Variants in PLRG1 observed in about 807,000 individuals in gnomAD.
PLRG1 encodes the protein pleiotropic regulator 1, also known as pleiotropic regulator 1 (PRL1 homolog, Arabidopsis).
Under a neutral mutation model 74.9 loss-of-function variants are expected in PLRG1, and 28 were observed. The observed-to-expected ratio is 0.37, with a 90% CI of 0.28 to 0.51. PLRG1 has a LOEUF of 0.51. PLRG1 is among the 20% of genes least tolerant of loss of function. The probability of loss-of-function intolerance (pLI) is 0.91; values close to 1 mark genes in which losing one functional copy is unlikely to be tolerated. For missense variants in PLRG1, 445 were observed against 631.9 expected (o/e 0.70, Z 3.17); for synonymous variants, 197 against 212.4 (o/e 0.93, Z 0.63).
In PLRG1 at chr4:154,541,204, T is replaced by G. The variant is rs187668571; in HGVS notation, c.688-270A>C. On this transcript the variant is annotated intron_variant, in intron 8 of 14. Coordinates refer to ENST00000499023, the MANE Select transcript of PLRG1 (RefSeq NM_002669.4). Reference sequence around the variant, plus strand: ...TCTTTGATAATAACAGTAAGAAAAGTATGGTATTAAATTAACTGAGGCTGG... The same window carrying G: ...TCTTTGATAATAACAGTAAGAAAAGGATGGTATTAAATTAACTGAGGCTGG... Among the ~76,000 whole-genome samples the G allele has an allele frequency of 3.4e-3, 514 of 152,262 alleles. 8 individuals are homozygous for G. The highest frequency in any genetic ancestry group is 9.0e-4 in the Non-Finnish European group (61 of 68,014).
intron 8 of PLRG1, chr4:154,541,945 T>C (rs1729562170): frequency 8.7e-6 from 4 of 459,456 alleles, no homozygotes; most frequent in African/African-American, 3.9e-5. Context: ...GAGAGAACAA[T>C]GTAAGTATAA....
chr4:154,549,881 C>T (rs1261538683), intron 1 of PLRG1: 1 of 414,746 alleles, frequency 2.4e-6, no homozygotes, highest in Non-Finnish European at 4.7e-6. Flanking sequence ...ATGTAAAGAA[C>T]GGCAAGTTTT....
intron 6 of PLRG1, among the ~76,000 whole-genome samples, chr4:154,545,026 A>G (rs1729625013): frequency 6.6e-6 from 1 of 152,216 alleles, no homozygotes; most frequent in African/African-American, 2.4e-5. Flanking sequence ...ATCTTCTAAT[A>G]CAATATTTAA....
intron 5 of PLRG1, 63 bp from the exon 6 acceptor site, chr4:154,545,986 C>A: frequency 8.5e-7 from 1 of 1,169,966 alleles, no homozygotes; most frequent in South Asian, 1.4e-5. Flanking sequence ...TTCTGCAAAA[C>A]TAACCCTTTA....
At chr4:154,549,523 T>C (rs1025105513) in intron 1 of PLRG1, 2 of 373,066 alleles carry the variant, frequency 5.4e-6, no homozygotes, top group Non-Finnish European at 5.3e-6. Flanking sequence ...GTATGGAGGA[T>C]GAGATGGTGC....
chr4:154,542,542 A>C (rs973513783), intron 7 of PLRG1, among the ~76,000 whole-genome samples: 4 of 152,216 alleles, frequency 2.6e-5, no homozygotes, highest in Non-Finnish European at 5.9e-5. Flanking sequence ...ACAAAGTATT[A>C]AGCTGTGTGA....
chr4:154,547,745 A>C lies in PLRG1; in HGVS notation c.225T>G (p.Asp75Glu), dbSNP rs1729684737. Residue 75 changes from aspartate (D) to glutamate (E), a missense_variant, in exon 3 of 15, where the codon GAT (aspartate) becomes GAG (glutamate). Physicochemically the swap from Asp to Glu is conservative, Grantham distance 45 (BLOSUM62 2). This residue lies in a region of PLRG1 where 206 missense variants were observed against 210.8 expected (regional missense o/e 0.98). Transcript: ENST00000499023. The stretch of plus-strand genomic sequence containing the variant: ...CAGGGTACTGTTTATGAACATATGA[A>C]TCCGTTGCATTCTGAGGACCCTTCT... ...LKEKGPQNATDSYVHKQYPAN... is the reference protein window; with the variant it reads ...LKEKGPQNATESYVHKQYPAN... 2 of 1,613,212 alleles carry C rather than the reference A, an allele frequency of 1.2e-6. No individual in the cohort carries two copies. Among genetic ancestry groups the C allele is most frequent in the Non-Finnish European group, 8.5e-7 (1 of 1,179,226 alleles).
intron 12 of PLRG1, among the ~76,000 whole-genome samples, chr4:154,538,413 G>A (rs1258896334): frequency 2.6e-5 from 4 of 151,998 alleles, no homozygotes; most frequent in African/African-American, 9.7e-5. Flanking sequence ...GAAGGGCAAT[G>A]TGTTATGCAA....
intron 6 of PLRG1, among the ~76,000 whole-genome samples, chr4:154,545,580 T>A (rs576987976): frequency 6.6e-6 from 1 of 152,318 alleles, no homozygotes; most frequent in South Asian, 2.1e-4. Context: ...TCTCCTTGCA[T>A]TTTTAATAGT....
intron 2 of PLRG1, among the ~76,000 whole-genome samples, chr4:154,548,181 C>T (rs1306357702): frequency 1.3e-5 from 2 of 152,052 alleles, no homozygotes; most frequent in African/African-American, 4.8e-5. Flanking sequence ...TACTTTCCTT[C>T]AAAATATAAA....
intron 3 of PLRG1, chr4:154,547,474 T>C (rs961724590): frequency 9.0e-6 from 5 of 554,170 alleles, no homozygotes; most frequent in Non-Finnish European, 1.6e-5. Flanking sequence ...TACTGTGACC[T>C]TCTCCACACT....
At position 154,536,682 on chromosome 4, in the gene PLRG1, T is replaced by C; in HGVS notation, c.*3A>G. On this transcript the variant is annotated 3_prime_UTR_variant, in exon 15 of 15. Transcript: ENST00000499023. ...AAAAGAGAGAGAAAAAATTCCACAT[T>C]CATTAAAATCTCTTTCTCTTGATAA... 6.9e-7 allele frequency: 1 copy of C among 1,449,824 alleles called. No individual in the cohort carries two copies. The highest frequency in any genetic ancestry group is 9.5e-7 in the Non-Finnish European group (1 of 1,049,916). The allele number at this position is 1,449,824 out of a possible 1,614,324, so 89.8% of individuals were successfully genotyped here. A position where few individuals can be genotyped will look rare whatever the true frequency, so the allele number is the denominator to read the frequency against.
In PLRG1 at chr4:154,540,054, C is replaced by G; in HGVS notation, c.940-1G>C. The G allele has an allele frequency of 6.9e-7, 1 of 1,441,274 alleles. No homozygotes were observed. Among genetic ancestry groups the G allele is most frequent in the Non-Finnish European group, 9.8e-7 (1 of 1,022,422 alleles). The allele number at this position is 1,441,274 out of a possible 1,614,324, so 89.3% of individuals were successfully genotyped here. A position where few individuals can be genotyped will look rare whatever the true frequency, so the allele number is the denominator to read the frequency against. On this transcript the variant is annotated splice_acceptor_variant, in intron 10 of 14. Transcript: ENST00000499023. LOFTEE classifies it high-confidence loss of function. The stretch of plus-strand genomic sequence containing the variant: ...TGGCTTTAGTTCTCACATCCCAAAT[C>G]TATAAAAACACAATAGACATATTAG...
At chr4:154,549,760 CAATT>C (rs1172600495) in intron 1 of PLRG1, 4 of 456,388 alleles carry the variant, frequency 8.8e-6, no homozygotes, top group Non-Finnish European at 1.3e-5. Flanking sequence ...ATGTTGGTCT[CAATT>C]AAGGTGGACT....
chr4:154,536,788 C>T, intron 14 of PLRG1, 44 bp from the exon 15 acceptor site: 1 of 1,038,714 alleles, frequency 9.6e-7, no homozygotes, highest in Non-Finnish European at 1.5e-6. Context: ...TATTAGTTTG[C>T]TTCATGTCTA....
At chr4:154,548,704 C>A in intron 2 of PLRG1, 125 bp downstream of exon 2, 1 of 588,038 alleles carries the variant, frequency 1.7e-6, no homozygotes. Flanking sequence ...TGCCAAAACA[C>A]CACTCATTAT....
At chr4:154,547,216 A>G in intron 3 of PLRG1, 152 bp from the exon 4 acceptor site, 1 of 692,770 alleles carries the variant, frequency 1.4e-6, no homozygotes. Flanking sequence ...GAAGTTGATC[A>G]CTTTTGCTTT....
At chr4:154,542,422 AT>A in intron 7 of PLRG1, 143 bp from the exon 8 acceptor site, 1 of 613,992 alleles carries the variant, frequency 1.6e-6, no homozygotes, top group East Asian at 2.8e-5. Context: ...ATATGAAATT[AT>A]CTTCAGTGAG....
At position 154,538,065 on chromosome 4, in the gene PLRG1, T is replaced by C. The variant is rs1254555351; in HGVS notation, c.1195A>G (p.Lys399Glu). ...SGSPDNIKQW[K>E]FPDGSFIQNL... The stretch of plus-strand genomic sequence containing the variant: ...TGAATGAAACTTCCATCAGGGAATT[T>C]CCACTGCTTTATGTTATCTGGAGAA... The change falls in exon 13 of 15, where the codon AAA becomes GAA. Residue 399 changes from lysine to glutamate, a missense_variant. This residue lies in a region of PLRG1 where 221 missense variants were observed against 377.7 expected (regional missense o/e 0.59). Coordinates refer to ENST00000499023, the MANE Select transcript of PLRG1 (RefSeq NM_002669.4). 6.5e-7 allele frequency: 1 copy of C among 1,532,704 alleles called. No homozygotes were observed. The highest frequency in any genetic ancestry group is 9.0e-7 in the Non-Finnish European group (1 of 1,115,586). The allele number at this position is 1,532,704 out of a possible 1,614,324, so 94.9% of individuals were successfully genotyped here.
Sources: gnomAD v4.1 joint callset for allele counts (sites outside exome capture counted in the v4.1 genomes callset) on GRCh38, gnomAD v4.1.1 for gene constraint, gnomAD v4.1.1 regional missense constraint, MANE v1.5 for transcripts, NCBI Gene and HGNC (gene_info 2026-07-23, HGNC 2026-07-21) for gene names.